Variants in PRDM16 observed in about 807,000 individuals in gnomAD.
PRDM16 encodes the protein histone-lysine N-methyltransferase PRDM16.
Under a neutral mutation model 110.6 loss-of-function variants are expected in PRDM16, and 23 were observed. The observed-to-expected ratio is 0.21, with a 90% confidence interval of 0.15 to 0.29. PRDM16 has a LOEUF of 0.29. Ranked by LOEUF, PRDM16 falls within the 10% of genes least tolerant of loss-of-function variation. The pLI, the probability that PRDM16 is intolerant of heterozygous loss-of-function variation, is 1.00. For synonymous variants in PRDM16, 799 were observed against 781.8 expected, an observed-to-expected ratio of 1.02 and a Z score of -0.37; for missense variants, 1,615 against 1,794.3, an observed-to-expected ratio of 0.90 and a Z score of 1.81.
chr1:3,246,120 G>C lies in PRDM16; in HGVS notation c.438+1983G>C, dbSNP rs1639785287. Among the ~76,000 whole-genome samples, 1 of 152,178 alleles carries C rather than the reference G, an allele frequency of 6.6e-6. No individual in the cohort carries two copies. ...CTGCTTCTGAACCAGAACGAACTAG[G>C]ACAGAAGGAGGGTGAAGTGGGCGCC... On this transcript the variant is annotated intron_variant, in intron 3 of 16. Transcript: ENST00000270722. The surrounding 1 kb of genome is among the most constrained non-coding windows in gnomAD (Gnocchi z 5.2).
intron 3 of PRDM16, among the ~76,000 whole-genome samples, chr1:3,261,685 C>T (rs1341837501): frequency 6.6e-6 from 1 of 152,160 alleles, no homozygotes; most frequent in Non-Finnish European, 1.5e-5. Context: ...TGCCCAGATA[C>T]CCCTGGAGCC....
intron 1 of PRDM16, among the ~76,000 whole-genome samples, chr1:3,147,739 G>A (rs989221521): frequency 2.2e-4 from 34 of 152,300 alleles, no homozygotes; most frequent in Admixed American, 2.2e-3. Flanking sequence ...GGCGGCCTCA[G>A]TCAGGCCACC....
At chr1:3,221,235 A>G (rs1639144019) in intron 2 of PRDM16, among the ~76,000 whole-genome samples, 1 of 152,210 alleles carries the variant, frequency 6.6e-6, no homozygotes. Context: ...CTTCAGGGAA[A>G]CAGTCTCTAG....
intron 3 of PRDM16, among the ~76,000 whole-genome samples, chr1:3,283,611 C>T (rs1355189446): frequency 6.6e-6 from 1 of 151,840 alleles, no homozygotes; most frequent in Non-Finnish European, 1.5e-5. Context: ...AGAGAGGGGA[C>T]GGTCAGCAAA....
In PRDM16 at chr1:3,181,700, ACACG is replaced by A. The variant is rs1557510088; in HGVS notation, c.38-4424_38-4421del. On this transcript the variant is annotated intron_variant, in intron 1 of 16. Coordinates refer to ENST00000270722, the MANE Select transcript of PRDM16 (RefSeq NM_022114.4). ...CGCGCAGTCTTACACACGGTCTTAC[ACACG>A]GTCTTACACACGCAGTCTTACACAC... 3.2e-4 allele frequency among the ~76,000 whole-genome samples: 46 copies of A among 143,960 alleles called. 2 individuals carry two copies. The highest frequency in any genetic ancestry group is 4.6e-4 in the South Asian group (2 of 4,328). The allele number at this position is 143,960 out of a possible 152,430, so 94.4% of individuals were successfully genotyped here.
At chr1:3,074,542 G>A (rs1641848287) in intron 1 of PRDM16, among the ~76,000 whole-genome samples, 2 of 152,178 alleles carry the variant, frequency 1.3e-5, no homozygotes, top group Admixed American at 6.5e-5. Context: ...CAGCGTGTAA[G>A]TGACCTCACA....
intron 1 of PRDM16, among the ~76,000 whole-genome samples, chr1:3,101,565 C>G (rs937021217): frequency 1.3e-5 from 2 of 152,222 alleles, no homozygotes; most frequent in African/African-American, 4.8e-5. Flanking sequence ...CACAGGAGGG[C>G]AGGCTTGGCC....
chr1:3,079,771 G>A (rs146085914), intron 1 of PRDM16, among the ~76,000 whole-genome samples: 205 of 152,286 alleles, frequency 1.3e-3, no homozygotes, highest in Middle Eastern at 0.01. Context: ...GTGTGAGGAC[G>A]TGTGTGTGCT....
rs1168112752 is a variant in PRDM16 at position 3,436,821 on chromosome 1, G to A, written c.*3010G>A. The A allele has an allele frequency of 1.3e-5, 3 of 233,180 alleles. No homozygotes were observed. The highest frequency in any genetic ancestry group is 5.6e-5 in the Admixed American group (1 of 17,792). 14.4% of individuals were successfully genotyped at this position (233,180 alleles called of 1,614,324 possible). A position where few individuals can be genotyped will look rare whatever the true frequency, so the allele number is the denominator to read the frequency against. On this transcript the variant is annotated 3_prime_UTR_variant, in exon 17 of 17. Coordinates refer to ENST00000270722, the MANE Select transcript of PRDM16 (RefSeq NM_022114.4). ...GCTGTGTCCATGGCCAGGTGGCCAGGGTCAGGGCTGCAAGCCAGGGGTCCA... is the reference window on the plus strand; with the variant it reads ...GCTGTGTCCATGGCCAGGTGGCCAGAGTCAGGGCTGCAAGCCAGGGGTCCA...
At chr1:3,219,648 C>T (rs1472839292) in intron 2 of PRDM16, among the ~76,000 whole-genome samples, 1 of 152,208 alleles carries the variant, frequency 6.6e-6, no homozygotes, top group African/African-American at 2.4e-5. Context: ...GCTCTGCACT[C>T]GGGAGATTCT....
intron 3 of PRDM16, among the ~76,000 whole-genome samples, chr1:3,344,625 G>A (rs1351914326): frequency 6.6e-6 from 1 of 152,166 alleles, no homozygotes; most frequent in Non-Finnish European, 1.5e-5. Context: ...TGTTGTAGAT[G>A]ACATTGTAGA....
intron 3 of PRDM16, among the ~76,000 whole-genome samples, chr1:3,322,057 GT>G (rs1641768451): frequency 2.0e-5 from 3 of 151,064 alleles, no homozygotes; most frequent in African/African-American, 7.3e-5. Context: ...GGTCGTGTGT[GT>G]GTGGGGAGTG....
chr1:3,198,931 A>C (rs1408434970), intron 2 of PRDM16, among the ~76,000 whole-genome samples: 1 of 152,152 alleles, frequency 6.6e-6, no homozygotes, highest in Non-Finnish European at 1.5e-5. Flanking sequence ...CCGTAATTTC[A>C]CGAGCAGAGC....
At chr1:3,072,691 T>C (rs1367694798) in intron 1 of PRDM16, among the ~76,000 whole-genome samples, 1 of 152,026 alleles carries the variant, frequency 6.6e-6, no homozygotes, top group Non-Finnish European at 1.5e-5. Flanking sequence ...ACCAGTCCCC[T>C]CCCCAGAGCC....
rs1418986607 is a variant in PRDM16 at position 3,411,634 on chromosome 1, T to C, written c.1437T>C (p.Asn479=). 1.2e-6 allele frequency: 2 copies of C among 1,613,814 alleles called. No homozygotes were observed. The highest frequency in any genetic ancestry group is 3.3e-5 in the Admixed American group (2 of 60,016). Residue 479 remains asparagine (N), a synonymous_variant, in exon 9 of 17, where the codon AAT becomes AAC. Transcript: ENST00000270722. Reference sequence around the variant, plus strand: ...AGGCAAAACCCTCCCCCAGCCTCAATCACGCCAGCCTGGGCTTCAACGAGT... The same window carrying C: ...AGGCAAAACCCTCCCCCAGCCTCAACCACGCCAGCCTGGGCTTCAACGAGT... ...MDKAKPSPSL[N]HASLGFNEYF... is the part of the protein sequence containing the mutation.
rs1642655729 is a variant in PRDM16, at chr1:3,358,596, C to T, written c.439-26556C>T. Reference sequence around the variant, plus strand: ...GGAAGAGGAGCTCTCGGACCCCTCCCTCCTGCCCTCAGCCCTCTCCGAAGA... The same window carrying T: ...GGAAGAGGAGCTCTCGGACCCCTCCTTCCTGCCCTCAGCCCTCTCCGAAGA... On this transcript the variant is annotated intron_variant, in intron 3 of 16. Transcript: ENST00000270722. The surrounding 1 kb of genome is among the most constrained non-coding windows in gnomAD (Gnocchi z 4.0). Among the ~76,000 whole-genome samples the T allele has an allele frequency of 6.6e-6, 1 of 152,238 alleles. No individual in the cohort carries two copies. The highest frequency in any genetic ancestry group is 1.5e-5 in the Non-Finnish European group (1 of 68,044).
intron 1 of PRDM16, among the ~76,000 whole-genome samples, chr1:3,155,763 G>C (rs528610329): frequency 6.6e-6 from 1 of 152,182 alleles, no homozygotes; most frequent in Non-Finnish European, 1.5e-5. Context: ...GCAAGGCTTC[G>C]GGGATTCAGT....
intron 3 of PRDM16, among the ~76,000 whole-genome samples, chr1:3,331,019 CTGA>C (rs1462910070): frequency 6.6e-6 from 1 of 152,270 alleles, no homozygotes; most frequent in Non-Finnish European, 1.5e-5. Flanking sequence ...GCAATTCCAT[CTGA>C]TAAGGCCCCG....
At chr1:3,075,787 G>A (rs1227375206) in intron 1 of PRDM16, among the ~76,000 whole-genome samples, 5 of 152,240 alleles carry the variant, frequency 3.3e-5, no homozygotes, top group African/African-American at 4.8e-5. Flanking sequence ...AAACGAACCC[G>A]GTGAGGAGGG....
Sources: allele counts gnomAD v4.1 joint callset (sites outside exome capture counted in the v4.1 genomes callset), GRCh38; gene constraint gnomAD v4.1.1; non-coding constraint Gnocchi (gnomAD v3.1); transcripts MANE v1.5; gene names NCBI Gene and HGNC (gene_info 2026-07-23, HGNC 2026-07-21).